The following BCAS3 variants were observed in gnomAD, a reference collection of about 807,000 sequenced individuals.
BCAS3 encodes BCAS3 microtubule associated cell migration factor.
BCAS3 carries 53 observed loss-of-function variants against 116.1 expected under a neutral mutation model. The observed-to-expected ratio is 0.46, with a 90% CI of 0.37 to 0.57. BCAS3 has a LOEUF of 0.57. Among genes scored for constraint, BCAS3 ranks in the 20% least tolerant of loss-of-function variants. The pLI is 0.00. For synonymous variants in BCAS3, 391 were observed against 408.2 expected (o/e 0.96, Z 0.51); for missense variants, 917 against 1,165.4 (o/e 0.79, Z 3.10).
At chr17:61,046,004 ATATATATT>A (rs2068191694) in intron 19 of BCAS3, among the ~76,000 whole-genome samples, 1 of 9,656 alleles carries the variant, frequency 1.0e-4, no homozygotes, top group East Asian at 8.1e-3. Context: ...TATATATAAT[ATATATATT>A]TATATATATA....
rs781085220 is a variant in BCAS3, at chr17:61,235,345, A to G, written c.2426-132982A>G. Among the ~76,000 whole-genome samples the G allele has an allele frequency of 5.9e-5, 9 of 152,244 alleles. No individual in the cohort carries two copies. The highest frequency in any genetic ancestry group is 1.2e-4 in the Non-Finnish European group (8 of 68,044). On this transcript the variant is annotated intron_variant, in intron 22 of 23. Transcript: ENST00000407086. The surrounding 1 kb of genome is among the most constrained non-coding windows in gnomAD (Gnocchi z 5.0). ...AGACTTGCAGACAGGCAGCCTGGGA[A>G]GATCTCAAACAAGTAACCTTCAATG...
chr17:60,986,859 G>C (rs2063172589), intron 14 of BCAS3: 1 of 151,890 alleles, frequency 6.6e-6, no homozygotes, highest in Admixed American at 6.6e-5. Context: ...GTCTATTTTT[G>C]CTTTGGCTGT....
At chr17:61,232,394 A>AT (rs2082739850) in intron 22 of BCAS3, among the ~76,000 whole-genome samples, 1 of 151,440 alleles carries the variant, frequency 6.6e-6, no homozygotes, top group Non-Finnish European at 1.5e-5. Flanking sequence ...TTTGGCCAAA[A>AT]AAAAGGTGGG....
rs1211865032 is a variant in BCAS3 at position 61,196,425 on chromosome 17, G to A, written c.2425+111861G>A. 2.6e-5 allele frequency among the ~76,000 whole-genome samples: 4 copies of A among 152,132 alleles called. No individual in the cohort carries two copies. Among genetic ancestry groups the A allele is most frequent in the Non-Finnish European group, 4.4e-5 (3 of 68,036 alleles). On this transcript the variant is annotated intron_variant, in intron 22 of 23. Coordinates refer to ENST00000407086, the MANE Select transcript of BCAS3 (RefSeq NM_017679.5). The surrounding 1 kb of genome is among the most constrained non-coding windows in gnomAD (Gnocchi z 4.7). Reference sequence around the variant, plus strand: ...TAAAAATGAAAACCATGCCCCAGCCGGGACAAGAACAGGGTCAACAGCTGG... The same window carrying A: ...TAAAAATGAAAACCATGCCCCAGCCAGGACAAGAACAGGGTCAACAGCTGG...
At chr17:61,179,822 G>A (rs1361398947) in intron 22 of BCAS3, among the ~76,000 whole-genome samples, 2 of 150,100 alleles carry the variant, frequency 1.3e-5, no homozygotes, top group African/African-American at 4.9e-5. Flanking sequence ...GGGGATGTCT[G>A]TCCTTACTAG....
intron 5 of BCAS3, among the ~76,000 whole-genome samples, chr17:60,719,807 T>A (rs1156960090): frequency 6.6e-6 from 1 of 152,204 alleles, no homozygotes; most frequent in East Asian, 1.9e-4. Context: ...AAATGTTAGA[T>A]GTTGAGAGCC....
In BCAS3 at chr17:61,141,488, T is replaced by C. The variant is rs946756794; in HGVS notation, c.2425+56924T>C. On this transcript the variant is annotated intron_variant, in intron 22 of 23. Coordinates refer to ENST00000407086, the MANE Select transcript of BCAS3 (RefSeq NM_017679.5). This position sits in a 1 kb window ranked among gnomAD's most constrained non-coding sequence, Gnocchi z 4.3. ...TGGAAGGATTCCTTGAGTCCAGGAG[T>C]TCGAGACTGCAGTGAGTTATGATCA... 3.9e-5 allele frequency among the ~76,000 whole-genome samples: 6 copies of C among 151,958 alleles called. No individual in the cohort carries two copies. The highest frequency in any genetic ancestry group is 1.2e-4 in the African/African-American group (5 of 41,360).
At chr17:60,877,812 T>C (rs1337286859) in intron 9 of BCAS3, among the ~76,000 whole-genome samples, 1 of 152,194 alleles carries the variant, frequency 6.6e-6, no homozygotes, top group Non-Finnish European at 1.5e-5. Context: ...AGAGTAATGT[T>C]TGCATACTGG....
chr17:60,969,550 T>A (rs986668093), intron 14 of BCAS3, among the ~76,000 whole-genome samples: 3 of 152,060 alleles, frequency 2.0e-5, no homozygotes, highest in Admixed American at 2.0e-4. Flanking sequence ...TAGCAACTTG[T>A]GGGACAATAT....
chr17:60,708,046 G>A (rs1377737075), intron 4 of BCAS3, among the ~76,000 whole-genome samples: 1 of 152,088 alleles, frequency 6.6e-6, no homozygotes, highest in Non-Finnish European at 1.5e-5. Context: ...GTGTAAGGCC[G>A]GAAGTGATGG....
intron 8 of BCAS3, among the ~76,000 whole-genome samples, chr17:60,872,108 C>G (rs947439454): frequency 6.6e-6 from 1 of 151,748 alleles, no homozygotes; most frequent in Non-Finnish European, 1.5e-5. Context: ...ATGTATTTTT[C>G]CATTTTTCAG....
At position 61,017,981 on chromosome 17, in the gene BCAS3, C is replaced by T. The variant is rs538308655; in HGVS notation, c.1637+2080C>T. On this transcript the variant is annotated intron_variant, in intron 16 of 23. Transcript: ENST00000407086. The surrounding 1 kb of genome is among the most constrained non-coding windows in gnomAD (Gnocchi z 4.7). Reference sequence around the variant, plus strand: ...GATTTTTGGAGCATGTATTCTGTTGCGTTATGAACAATTTATTAATAAGGG... The same window carrying T: ...GATTTTTGGAGCATGTATTCTGTTGTGTTATGAACAATTTATTAATAAGGG... Among the ~76,000 whole-genome samples the T allele has an allele frequency of 1.3e-5, 2 of 152,092 alleles. No homozygotes were observed. Among genetic ancestry groups the T allele is most frequent in the African/African-American group, 2.4e-5 (1 of 41,416 alleles).
chr17:61,342,890 T>G (rs1280230610), intron 22 of BCAS3, among the ~76,000 whole-genome samples: 2 of 152,090 alleles, frequency 1.3e-5, no homozygotes, highest in African/African-American at 4.8e-5. Flanking sequence ...GCTGGGATTA[T>G]AGGCATGTGC....
chr17:60,699,051 C>T (rs896115071), intron 4 of BCAS3, among the ~76,000 whole-genome samples: 16 of 152,046 alleles, frequency 1.1e-4, no homozygotes, highest in Non-Finnish European at 2.9e-5. Flanking sequence ...GAGCGAGACT[C>T]CGTCTCAAAG....
chr17:61,254,108 A>G (rs2048578761), intron 22 of BCAS3, among the ~76,000 whole-genome samples: 1 of 152,196 alleles, frequency 6.6e-6, no homozygotes, highest in Admixed American at 6.5e-5. Context: ...AGCCCGAGGA[A>G]AAAACTCAAG....
Position 61,105,216 on chromosome 17 carries a change from A to G in BCAS3, c.2425+20652A>G, listed in dbSNP as rs1181094642. On this transcript the variant is annotated intron_variant, in intron 22 of 23. Transcript: ENST00000407086. The surrounding 1 kb of genome is among the most constrained non-coding windows in gnomAD (Gnocchi z 4.3). Reference sequence around the variant, plus strand: ...TTGGAAAACTGCCTTGCACCAGCCCAGTTTTCCACTCAGGTGGTTTACCCC... The same window carrying G: ...TTGGAAAACTGCCTTGCACCAGCCCGGTTTTCCACTCAGGTGGTTTACCCC... 1.3e-5 allele frequency among the ~76,000 whole-genome samples: 2 copies of G among 152,226 alleles called. No individual in the cohort carries two copies. The highest frequency in any genetic ancestry group is 4.8e-5 in the African/African-American group (2 of 41,460).
At chr17:61,318,116 C>T (rs2054896747) in intron 22 of BCAS3, among the ~76,000 whole-genome samples, 1 of 152,210 alleles carries the variant, frequency 6.6e-6, no homozygotes, top group African/African-American at 2.4e-5. Context: ...TCCTCGGCTC[C>T]TCCCCGCCAC....
At chr17:60,752,691 A>G (rs1784318293) in intron 6 of BCAS3, among the ~76,000 whole-genome samples, 1 of 151,382 alleles carries the variant, frequency 6.6e-6, no homozygotes, top group South Asian at 2.1e-4. Flanking sequence ...GTGTATTTCA[A>G]TTTTGATGCA....
chr17:61,187,192 A>T (rs1232938204), intron 22 of BCAS3, among the ~76,000 whole-genome samples: 1 of 152,236 alleles, frequency 6.6e-6, no homozygotes, highest in African/African-American at 2.4e-5. Flanking sequence ...TGTAAGTGTT[A>T]TCAAGGACAT....
Sources: allele counts gnomAD v4.1 joint callset (sites outside exome capture counted in the v4.1 genomes callset), GRCh38; gene constraint gnomAD v4.1.1; non-coding constraint Gnocchi (gnomAD v3.1); transcripts MANE v1.5; gene names NCBI Gene and HGNC (gene_info 2026-07-23, HGNC 2026-07-21).